CEP44: variants seen among roughly 807,000 people sequenced by gnomAD.
CEP44 encodes centrosomal protein 44, also known as centrosomal protein of 44 kDa.
CEP44 carries 45 observed loss-of-function variants against 46.7 expected under a neutral mutation model. The observed-to-expected ratio is 0.96, with a 90% CI of 0.76 to 1.24. The LOEUF (loss-of-function observed/expected upper bound fraction) is 1.24. Among genes scored for constraint, CEP44 ranks in the 50% most tolerant of loss-of-function variants. The pLI is 0.00. For missense variants in CEP44, 475 were observed against 459.7 expected, an observed-to-expected ratio of 1.03 and a Z score of -0.30; for synonymous variants, 142 against 146.0, an observed-to-expected ratio of 0.97 and a Z score of 0.20.
chr4:174,313,417 G>T (rs1456254728), intron 9 of CEP44, among the ~76,000 whole-genome samples: 2 of 151,590 alleles, frequency 1.3e-5, no homozygotes, highest in Non-Finnish European at 2.9e-5. Flanking sequence ...ACAGAAGAGT[G>T]TGGTTTGTTC....
At chr4:174,285,153 G>T (rs1474995848) in intron 1 of CEP44, among the ~76,000 whole-genome samples, 2 of 152,178 alleles carry the variant, frequency 1.3e-5, no homozygotes, top group Non-Finnish European at 2.9e-5. Context: ...AAGCTGAGTG[G>T]TATCTCCTTT....
chr4:174,294,844 G>A (rs372496362), intron 1 of CEP44, among the ~76,000 whole-genome samples: 7,757 of 130,620 alleles, frequency 0.059, 280 homozygotes, highest in South Asian at 0.19. Flanking sequence ...ACGGCTGGCC[G>A]GGCGGGGGGC....
chr4:174,319,211 A>G lies in CEP44; in HGVS notation c.*1828A>G. 1.0e-6 allele frequency: 1 copy of G among 970,962 alleles called. No individual in the cohort carries two copies. Among genetic ancestry groups the G allele is most frequent in the African/African-American group, 1.8e-5 (1 of 57,094 alleles). The allele number at this position is 970,962 out of a possible 1,614,324, so 60.1% of individuals were successfully genotyped here. A position where few individuals can be genotyped will look rare whatever the true frequency, so the allele number is the denominator to read the frequency against. ...TAACAGAGTTTCAGTAAATATTTCC[A>G]GAATTAATGAAGCATGTTAGCTTTA... On this transcript the variant is annotated 3_prime_UTR_variant, in exon 12 of 12. Coordinates refer to ENST00000503780, the MANE Select transcript of CEP44 (RefSeq NM_001040157.3).
In CEP44 at chr4:174,312,746, A is replaced by G. The variant is rs557798675; in HGVS notation, c.961+1888A>G. Among the ~76,000 whole-genome samples the G allele has an allele frequency of 2.6e-5, 4 of 152,340 alleles. No individual in the cohort carries two copies. Among genetic ancestry groups the G allele is most frequent in the African/African-American group, 7.2e-5 (3 of 41,588 alleles). On this transcript the variant is annotated intron_variant, in intron 9 of 11. Coordinates refer to ENST00000503780, the MANE Select transcript of CEP44 (RefSeq NM_001040157.3). The surrounding 1 kb of genome is among the most constrained non-coding windows in gnomAD (Gnocchi z 4.5). ...TGATCTAGATTAATTAAAAGACTCA[A>G]GTTTATAAAGACTTACACATTATAC...
At chr4:174,330,168 A>G (rs372420190) in intron 8 of CEP44, among the ~76,000 whole-genome samples, 2 of 152,086 alleles carry the variant, frequency 1.3e-5, no homozygotes, top group Non-Finnish European at 1.5e-5. Flanking sequence ...TTTTCTATTT[A>G]TATTTATGTA....
chr4:174,299,346 T>C, intron 3 of CEP44, 136 bp downstream of exon 3: 1 of 609,622 alleles, frequency 1.6e-6, no homozygotes, highest in Non-Finnish European at 2.7e-6. Context: ...ATTAAAATAT[T>C]TGAGAAAGCA....
chr4:174,309,966 G>A lies in CEP44; in HGVS notation c.795G>A (p.Met265Ile). Residue 265 changes from methionine to isoleucine, a missense_variant, in exon 8 of 12, where the codon ATG (methionine) becomes ATA (isoleucine). Physicochemically the swap from Met to Ile is conservative, Grantham distance 10. Transcript: ENST00000503780. This position sits in a 1 kb window ranked among gnomAD's most constrained non-coding sequence, Gnocchi z 5.3. ...GGTTAGACTGTTTGGAACAAAAAAT[G>A]AAAGGAAAAGTGATGGTAGATGAAA... ...EKRLDCLEQK[M>I]KGKVMVDENT... 6.2e-7 allele frequency: 1 copy of A among 1,612,844 alleles called. No homozygotes were observed. The highest frequency in any genetic ancestry group is 8.5e-7 in the Non-Finnish European group (1 of 1,179,254).
chr4:174,310,770 T>C lies in CEP44; in HGVS notation c.886-13T>C. The C allele has an allele frequency of 2.5e-6, 3 of 1,219,624 alleles. No individual in the cohort carries two copies. Among genetic ancestry groups the C allele is most frequent in the Non-Finnish European group, 3.5e-6 (3 of 845,268 alleles). The allele number at this position is 1,219,624 out of a possible 1,614,324, so 75.6% of individuals were successfully genotyped here. A position where few individuals can be genotyped will look rare whatever the true frequency, so the allele number is the denominator to read the frequency against. On this transcript the variant is annotated splice_polypyrimidine_tract_variant and intron_variant, in intron 8 of 11. Coordinates refer to ENST00000503780, the MANE Select transcript of CEP44 (RefSeq NM_001040157.3). The surrounding 1 kb of genome is among the most constrained non-coding windows in gnomAD (Gnocchi z 4.2). Reference sequence around the variant, plus strand: ...TTTTATTTCATTCTAAATATTTAACTGTGTTATTCCAGAATGATGAATTTA... The same window carrying C: ...TTTTATTTCATTCTAAATATTTAACCGTGTTATTCCAGAATGATGAATTTA...
intron 3 of CEP44, among the ~76,000 whole-genome samples, chr4:174,299,714 T>C (rs72993307): frequency 1.4e-4 from 22 of 152,314 alleles, no homozygotes; most frequent in African/African-American, 5.3e-4. Context: ...TTTTTGTGTA[T>C]GGCAACCTGA....
At chr4:174,296,202 T>A (rs1206125948) in intron 1 of CEP44, among the ~76,000 whole-genome samples, 1 of 152,252 alleles carries the variant, frequency 6.6e-6, no homozygotes, top group Non-Finnish European at 1.5e-5. Context: ...TTTTCTTGCC[T>A]TGTTGGATGT....
chr4:174,284,442 T>C (rs1409476906), intron 1 of CEP44, among the ~76,000 whole-genome samples: 1 of 152,204 alleles, frequency 6.6e-6, no homozygotes, highest in Non-Finnish European at 1.5e-5. Flanking sequence ...AAACGGCTCC[T>C]GACTATAAGG....
At chr4:174,294,711 C>T (rs564875902) in intron 1 of CEP44, among the ~76,000 whole-genome samples, 4 of 146,652 alleles carry the variant, frequency 2.7e-5, no homozygotes, top group East Asian at 4.2e-4. Flanking sequence ...GGTGGCTGGC[C>T]GGGCGGGGGG....
rs1379382844 is a variant in CEP44 at position 174,301,334 on chromosome 4, A to G, written c.90-705A>G. Among the ~76,000 whole-genome samples, 1 of 152,200 alleles carries G rather than the reference A, an allele frequency of 6.6e-6. No homozygotes were observed. The highest frequency in any genetic ancestry group is 1.5e-5 in the Non-Finnish European group (1 of 68,016). On this transcript the variant is annotated intron_variant, in intron 3 of 11. Coordinates refer to ENST00000503780, the MANE Select transcript of CEP44 (RefSeq NM_001040157.3). The surrounding 1 kb of genome is among the most constrained non-coding windows in gnomAD (Gnocchi z 4.3). ...GAAACACTACCAGACAGATAAAGAC[A>G]CAGCAGATACTGAGTAGCCTGGGAG...
chr4:174,304,015 C>T (rs980520808), intron 5 of CEP44, among the ~76,000 whole-genome samples, 166 bp downstream of exon 5: 3 of 152,100 alleles, frequency 2.0e-5, no homozygotes, highest in Non-Finnish European at 2.9e-5. Context: ...ATTTTAAATA[C>T]TACTCTCTTG....
rs1737580573 is a variant in CEP44 at position 174,286,303 on chromosome 4, T to A, written c.-148+2360T>A. On this transcript the variant is annotated intron_variant, in intron 1 of 11. Transcript: ENST00000503780. The surrounding 1 kb of genome is among the most constrained non-coding windows in gnomAD (Gnocchi z 5.2). ...CTTCTTACCTTTCCTTATTTAAAGA[T>A]AGAGAAACGGTGTGTAAAGGGATGA... Among the ~76,000 whole-genome samples, 1 of 152,162 alleles carries A rather than the reference T, an allele frequency of 6.6e-6. No homozygotes were observed.
In CEP44 at chr4:174,316,204, C is replaced by G. The variant is rs1035032496; in HGVS notation, c.1000C>G (p.Leu334Val). The change falls in exon 10 of 12, where the codon CTG becomes GTG. Residue 334 changes from leucine (L) to valine (V), a missense_variant. Physicochemically the swap from Leu to Val is conservative, Grantham distance 32 (BLOSUM62 1). Coordinates refer to ENST00000503780, the MANE Select transcript of CEP44 (RefSeq NM_001040157.3). ...AGTAGAGAGGCCAGCAAGTATTCCT[C>G]TGTCCTCTGGCTATAGTACAGCATC... Reference protein sequence around the residue: ...SEVERPASIPLSSGYSTASSD... With the variant: ...SEVERPASIPVSSGYSTASSD... 1.2e-6 allele frequency: 2 copies of G among 1,613,962 alleles called. No homozygotes were observed. The highest frequency in any genetic ancestry group is 8.5e-7 in the Non-Finnish European group (1 of 1,179,920).
exon 9 of CEP44, chr4:174,332,009 AGT>A: frequency 6.4e-6 from 1 of 156,890 alleles, no homozygotes. Context: ...GTAGAGAGAA[AGT>A]CAAAGATTAC....
At position 174,329,752 on chromosome 4, in the gene CEP44, T is replaced by A. The variant is rs139125826; in HGVS notation, c.1087-1730T>A. ...AGTTAAAAAAATATTAATGAATATATGTTAACCTTCAGGCTATCATCATTC... is the reference window on the plus strand; with the variant it reads ...AGTTAAAAAAATATTAATGAATATAAGTTAACCTTCAGGCTATCATCATTC... On this transcript the variant is annotated intron_variant, in intron 8 of 8. Coordinates refer to the CEP44 transcript ENST00000426172. This position sits in a 1 kb window ranked among gnomAD's most constrained non-coding sequence, Gnocchi z 4.0. Among the ~76,000 whole-genome samples the A allele has an allele frequency of 5.9e-3, 902 of 152,270 alleles. 9 individuals carry two copies. The highest frequency in any genetic ancestry group is 0.021 in the African/African-American group (861 of 41,560).
rs778564180 is a variant in CEP44, at chr4:174,309,065, A to C, written c.678+206A>C. On this transcript the variant is annotated intron_variant, in intron 7 of 11. Transcript: ENST00000503780. This position sits in a 1 kb window ranked among gnomAD's most constrained non-coding sequence, Gnocchi z 5.3. Reference sequence around the variant, plus strand: ...CTGCATATGTGTAGGGTGCTGGGCTAAGTGTTGGGGTGATGCAAAGTAGAA... The same window carrying C: ...CTGCATATGTGTAGGGTGCTGGGCTCAGTGTTGGGGTGATGCAAAGTAGAA... Among the ~76,000 whole-genome samples the C allele has an allele frequency of 1.7e-4, 26 of 152,112 alleles. No individual in the cohort carries two copies. Among genetic ancestry groups the C allele is most frequent in the Non-Finnish European group, 3.7e-4 (25 of 67,978 alleles).
Sources: gnomAD v4.1 joint callset for allele counts (sites outside exome capture counted in the v4.1 genomes callset) on GRCh38, gnomAD v4.1.1 for gene constraint, Gnocchi (gnomAD v3.1) non-coding constraint, MANE v1.5 for transcripts, NCBI Gene and HGNC (gene_info 2026-07-23, HGNC 2026-07-21) for gene names.